The following ROBO1 variants were observed in gnomAD, a reference collection of about 807,000 sequenced individuals.
ROBO1 encodes the protein roundabout homolog 1.
ROBO1 carries 149 observed loss-of-function variants against 195.9 expected under a neutral mutation model. The observed-to-expected ratio is 0.76, with a 90% CI of 0.67 to 0.87. The LOEUF is 0.87. Among genes scored for constraint, ROBO1 ranks in the 40% least tolerant of loss-of-function variants. The pLI is 0.00. For synonymous variants in ROBO1, 816 were observed against 733.2 expected, an observed-to-expected ratio of 1.11 and a Z score of -1.82; for missense variants, 1,933 against 2,068.3, an observed-to-expected ratio of 0.93 and a Z score of 1.27.
intron 4 of ROBO1, among the ~76,000 whole-genome samples, chr3:78,842,774 T>C (rs1559914466): frequency 6.6e-6 from 1 of 151,870 alleles, no homozygotes; most frequent in Non-Finnish European, 1.5e-5. Flanking sequence ...CAATAATTTC[T>C]ACAACTACTA....
intron 2 of ROBO1, among the ~76,000 whole-genome samples, chr3:79,583,570 C>T (rs1170294617): frequency 1.3e-5 from 2 of 151,458 alleles, no homozygotes; most frequent in Admixed American, 1.3e-4. Context: ...ATAAATGTAC[C>T]CATTTGGAAA....
chr3:79,039,094 C>G (rs1324256976), intron 3 of ROBO1, among the ~76,000 whole-genome samples: 1 of 152,048 alleles, frequency 6.6e-6, no homozygotes, highest in Non-Finnish European at 1.5e-5. Flanking sequence ...AGACAATGGC[C>G]CAGAAATAAT....
chr3:79,380,248 G>T (rs1219943958), intron 2 of ROBO1, among the ~76,000 whole-genome samples: 2 of 152,042 alleles, frequency 1.3e-5, no homozygotes, highest in Admixed American at 6.6e-5. Context: ...TATAGGAAAG[G>T]ATTGTCATTT....
At chr3:79,139,997 C>T (rs1322512418) in intron 2 of ROBO1, among the ~76,000 whole-genome samples, 3 of 152,060 alleles carry the variant, frequency 2.0e-5, no homozygotes, top group Admixed American at 6.6e-5. Context: ...CCTAAATGAA[C>T]GGAGTACTCT....
chr3:78,641,758 T>TA (rs1705970542), intron 21 of ROBO1, among the ~76,000 whole-genome samples: 1 of 152,098 alleles, frequency 6.6e-6, no homozygotes, highest in Non-Finnish European at 1.5e-5. Flanking sequence ...TCAAAAGAAA[T>TA]AGACAATATT....
At chr3:79,616,906 C>T (rs900435634) in intron 1 of ROBO1, among the ~76,000 whole-genome samples, 7 of 152,180 alleles carry the variant, frequency 4.6e-5, no homozygotes, top group African/African-American at 1.4e-4. Context: ...CAGTGGACTG[C>T]AGACCAGCCA....
At chr3:79,029,189 T>C (rs2078251941) in intron 3 of ROBO1, among the ~76,000 whole-genome samples, 1 of 152,106 alleles carries the variant, frequency 6.6e-6, no homozygotes, top group Non-Finnish European at 1.5e-5. Context: ...CATCTATTTC[T>C]TGATTTTCCT....
chr3:78,788,556 T>C (rs1415143671), intron 4 of ROBO1, among the ~76,000 whole-genome samples: 1 of 151,618 alleles, frequency 6.6e-6, no homozygotes, highest in Non-Finnish European at 1.5e-5. Flanking sequence ...ATCAATTATA[T>C]TGCTTATTTT....
chr3:79,061,455 C>T (rs2078915700), intron 3 of ROBO1, among the ~76,000 whole-genome samples: 1 of 152,006 alleles, frequency 6.6e-6, no homozygotes, highest in South Asian at 2.1e-4. Context: ...CAATGCTATC[C>T]CCATCAAGCT....
chr3:79,293,182 C>T (rs1466024482), intron 2 of ROBO1, among the ~76,000 whole-genome samples: 2 of 152,140 alleles, frequency 1.3e-5, no homozygotes, highest in Admixed American at 1.3e-4. Flanking sequence ...TCATAGTATT[C>T]TCTGATGGTA....
chr3:78,658,213 G>C (rs1486818321), intron 17 of ROBO1, among the ~76,000 whole-genome samples: 1 of 152,160 alleles, frequency 6.6e-6, no homozygotes, highest in Non-Finnish European at 1.5e-5. Context: ...CGATGTTTAA[G>C]AACTTGGATA....
At chr3:78,752,956 G>C (rs2082834846) in intron 4 of ROBO1, among the ~76,000 whole-genome samples, 1 of 152,104 alleles carries the variant, frequency 6.6e-6, no homozygotes, top group Non-Finnish European at 1.5e-5. Flanking sequence ...GACCCTGGAA[G>C]AAAATATGCT....
intron 2 of ROBO1, among the ~76,000 whole-genome samples, chr3:79,334,494 C>T (rs749505304): frequency 2.0e-5 from 3 of 151,388 alleles, no homozygotes; most frequent in Non-Finnish European, 2.9e-5. Flanking sequence ...GTGATTATTG[C>T]GTTCCTAGCA....
intron 1 of ROBO1, among the ~76,000 whole-genome samples, chr3:79,606,318 C>T (rs1225197262): frequency 6.6e-6 from 1 of 151,962 alleles, no homozygotes; most frequent in Non-Finnish European, 1.5e-5. Context: ...GAAATAGTCT[C>T]TTTCAAGCAA....
intron 2 of ROBO1, among the ~76,000 whole-genome samples, chr3:79,386,405 G>A (rs371271715): frequency 2.6e-5 from 4 of 152,062 alleles, no homozygotes; most frequent in Non-Finnish European, 5.9e-5. Context: ...ATTCATAAAC[G>A]GGAGAAGGAA....
chr3:78,711,343 C>CCTCCTTTCTTTTCTTTCTTT (rs1371623770), intron 8 of ROBO1, among the ~76,000 whole-genome samples: 3 of 101,426 alleles, frequency 3.0e-5, no homozygotes, highest in African/African-American at 1.4e-4. Context: ...TTCCTTCCTT[C>CCTCCTTTCTTTTCTTTCTTT]CTTCCTCCTT....
At chr3:79,154,892 T>A (rs948037333) in intron 2 of ROBO1, among the ~76,000 whole-genome samples, 4 of 151,958 alleles carry the variant, frequency 2.6e-5, no homozygotes, top group Middle Eastern at 3.4e-3. Context: ...GCAATCAGTT[T>A]ATTTAGCACA....
chr3:79,172,635 T>A (rs541333937), intron 2 of ROBO1, among the ~76,000 whole-genome samples: 5 of 152,286 alleles, frequency 3.3e-5, no homozygotes, highest in Non-Finnish European at 7.4e-5. Flanking sequence ...CAATTATATG[T>A]GTGTATACCA....
chr3:78,852,993 T>C (rs1000414763), intron 4 of ROBO1, among the ~76,000 whole-genome samples: 2 of 152,132 alleles, frequency 1.3e-5, no homozygotes, highest in Non-Finnish European at 1.5e-5. Context: ...CTGGGCCAAT[T>C]TCATTCATGG....
Sources: allele counts gnomAD v4.1 joint callset (sites outside exome capture counted in the v4.1 genomes callset), GRCh38; gene constraint gnomAD v4.1.1; transcripts MANE v1.5; gene names NCBI Gene and HGNC (gene_info 2026-07-23, HGNC 2026-07-21).